The following C12orf42 variants were observed in gnomAD, a reference collection of about 807,000 sequenced individuals.
The protein encoded by C12orf42 is chromosome 12 open reading frame 42.
In C12orf42, 25 loss-of-function variants were observed where a neutral mutation model predicts 21.6. The observed-to-expected ratio is 1.16, with a 90% CI of 0.84 to 1.62. The LOEUF is 1.62. Ranked by LOEUF, C12orf42 falls within the 40% of genes most tolerant of loss-of-function variation. The pLI is 0.00. For synonymous variants in C12orf42, 174 were observed against 175.0 expected, an observed-to-expected ratio of 0.99 and a Z score of 0.05; for missense variants, 483 against 459.3, an observed-to-expected ratio of 1.05 and a Z score of -0.47.
chr12:103,337,321 A>G (rs954548139), intron 4 of C12orf42, among the ~76,000 whole-genome samples: 1 of 152,100 alleles, frequency 6.6e-6, no homozygotes, highest in Non-Finnish European at 1.5e-5. Flanking sequence ...AGAAGAACAG[A>G]CAGAAAACCT....
intron 1 of C12orf42, among the ~76,000 whole-genome samples, chr12:103,489,889 T>C (rs1004809693): frequency 2.6e-5 from 4 of 152,210 alleles, no homozygotes; most frequent in African/African-American, 9.6e-5. Context: ...GGAAATCCCC[T>C]GACCCCTTGC....
At chr12:103,367,620 A>G (rs2044729685) in intron 4 of C12orf42, among the ~76,000 whole-genome samples, 1 of 151,790 alleles carries the variant, frequency 6.6e-6, no homozygotes, top group Admixed American at 6.6e-5. Flanking sequence ...TTGCTTAGAG[A>G]AAATATTGAA....
At chr12:103,364,543 C>A (rs1330471882) in intron 4 of C12orf42, among the ~76,000 whole-genome samples, 1 of 151,692 alleles carries the variant, frequency 6.6e-6, no homozygotes, top group Non-Finnish European at 1.5e-5. Context: ...AATAAATGAA[C>A]AAAAAGTGTG....
At chr12:103,075,248 C>T in the C12orf42 span, among the ~76,000 whole-genome samples, 1 of 152,142 alleles carries the variant, frequency 6.6e-6, no homozygotes. Flanking sequence ...TTCTCTCTTC[C>T]TTGCTGTTAG....
At chr12:103,064,971 C>T in the C12orf42 span, among the ~76,000 whole-genome samples, 10 of 152,318 alleles carry the variant, frequency 6.6e-5, no homozygotes, top group African/African-American at 2.4e-4. Flanking sequence ...ATAATTGGCA[C>T]AGACATTCTT....
chr12:103,278,473 A>G (rs73385670), intron 4 of C12orf42, among the ~76,000 whole-genome samples: 74 of 152,264 alleles, frequency 4.9e-4, no homozygotes, highest in African/African-American at 1.7e-3. Context: ...TGGAAAGGAG[A>G]TGCTGGGAGC....
At chr12:103,449,430 C>A (rs1345133751) in intron 2 of C12orf42, among the ~76,000 whole-genome samples, 2 of 151,772 alleles carry the variant, frequency 1.3e-5, no homozygotes, top group African/African-American at 4.8e-5. Flanking sequence ...TCTCAGAAAT[C>A]ACCACTAAAG....
the C12orf42 span, among the ~76,000 whole-genome samples, chr12:103,524,049 C>T: frequency 6.6e-6 from 1 of 152,174 alleles, no homozygotes; most frequent in Admixed American, 6.5e-5. Flanking sequence ...TCCCTTCTGA[C>T]AGTTTAATTC....
chr12:103,296,084 A>C (rs1192252421), intron 4 of C12orf42, among the ~76,000 whole-genome samples: 1 of 141,288 alleles, frequency 7.1e-6, no homozygotes, highest in Non-Finnish European at 1.5e-5. Context: ...TCATTGTTCA[A>C]TTCCCACCTA....
At chr12:103,484,896 G>A (rs1954727123) in intron 1 of C12orf42, among the ~76,000 whole-genome samples, 1 of 122,206 alleles carries the variant, frequency 8.2e-6, no homozygotes, top group Admixed American at 9.9e-5. Context: ...TTGAGAAGGA[G>A]TCTCTCTCTG....
At chr12:103,167,840 CAGAA>C in the C12orf42 span, among the ~76,000 whole-genome samples, 1 of 150,170 alleles carries the variant, frequency 6.7e-6, no homozygotes, top group Non-Finnish European at 1.5e-5. Context: ...AAGCTAGAAA[CAGAA>C]AGAAATATGT....
the C12orf42 span, among the ~76,000 whole-genome samples, chr12:103,201,401 G>A: frequency 6.6e-6 from 1 of 152,000 alleles, no homozygotes; most frequent in South Asian, 2.1e-4. Flanking sequence ...GGCATTGTCG[G>A]ATATCCTATA....
chr12:103,150,106 C>G, the C12orf42 span, among the ~76,000 whole-genome samples: 1 of 152,118 alleles, frequency 6.6e-6, no homozygotes, highest in Non-Finnish European at 1.5e-5. Context: ...CCAAAAATTT[C>G]AGGTATATAT....
At chr12:103,277,852 C>T (rs988087722) in intron 4 of C12orf42, among the ~76,000 whole-genome samples, 45 of 152,194 alleles carry the variant, frequency 3.0e-4, no homozygotes, top group African/African-American at 1.0e-3. Context: ...ATCTCCTGGC[C>T]TCGTGATCCA....
At chr12:103,461,512 T>C (rs962552219) in intron 2 of C12orf42, among the ~76,000 whole-genome samples, 7 of 152,214 alleles carry the variant, frequency 4.6e-5, no homozygotes, top group Non-Finnish European at 1.0e-4. Flanking sequence ...TTCCATAACA[T>C]GTACAGACAT....
At chr12:103,328,023 A>G (rs1048252317) in intron 4 of C12orf42, among the ~76,000 whole-genome samples, 20 of 152,176 alleles carry the variant, frequency 1.3e-4, no homozygotes, top group African/African-American at 4.8e-4. Context: ...AAGTGATATC[A>G]TTAGGATTGA....
chr12:103,053,803 C>A, the C12orf42 span, among the ~76,000 whole-genome samples: 1 of 151,852 alleles, frequency 6.6e-6, no homozygotes, highest in African/African-American at 2.4e-5. Context: ...TTGATTTTTA[C>A]GATGGCCTGT....
intron 3 of C12orf42, among the ~76,000 whole-genome samples, chr12:103,384,947 G>T (rs143199677): frequency 8.5e-5 from 13 of 152,170 alleles, no homozygotes; most frequent in Non-Finnish European, 1.5e-4. Context: ...AATCATGGTC[G>T]TCTGTAGCCT....
chr12:103,104,931 C>T, the C12orf42 span, among the ~76,000 whole-genome samples: 3,725 of 152,276 alleles, frequency 0.024, 149 homozygotes, highest in African/African-American at 0.084. Flanking sequence ...GTTTGAGGCT[C>T]TAGGCAGGAC....
Sources: allele counts gnomAD v4.1 joint callset (sites outside exome capture counted in the v4.1 genomes callset), GRCh38; gene constraint gnomAD v4.1.1; transcripts MANE v1.5; gene names NCBI Gene and HGNC (gene_info 2026-07-23, HGNC 2026-07-21).